PCDHGB3: variants seen among roughly 807,000 people sequenced by gnomAD.
PCDHGB3 encodes protocadherin gamma-B3.
Under a neutral mutation model 59.2 loss-of-function variants are expected in PCDHGB3, and 40 were observed. The observed-to-expected ratio is 0.68, with a 90% CI of 0.52 to 0.88. The LOEUF (loss-of-function observed/expected upper bound fraction) is 0.88. PCDHGB3 is among the 40% of genes least tolerant of loss of function. PCDHGB3 has a pLI of 0.00. For synonymous variants in PCDHGB3, 581 were observed against 503.6 expected, an observed-to-expected ratio of 1.15 and a Z score of -2.06; for missense variants, 1,309 against 1,187.9, an observed-to-expected ratio of 1.10 and a Z score of -1.50.
intron 1 of PCDHGB3, chr5:141,427,902 C>G: frequency 6.4e-7 from 1 of 1,573,742 alleles, no homozygotes; most frequent in South Asian, 1.1e-5. Flanking sequence ...CTCGCCCGCG[C>G]TCAGCGCCAA....
Position 141,491,094 on chromosome 5 carries a change from G to C in PCDHGB3, c.2416-3713G>C, listed in dbSNP as rs1240705650. The C allele has an allele frequency of 1.9e-6, 3 of 1,614,202 alleles. No homozygotes were observed. Among genetic ancestry groups the C allele is most frequent in the Non-Finnish European group, 2.5e-6 (3 of 1,180,030 alleles). On this transcript the variant is annotated intron_variant, in intron 1 of 3. Coordinates refer to ENST00000576222, the MANE Select transcript of PCDHGB3 (RefSeq NM_018924.5). The surrounding 1 kb of genome is among the most constrained non-coding windows in gnomAD (Gnocchi z 6.9). The stretch of plus-strand genomic sequence containing the variant: ...TGCCACAGTCCACAGCCCCAGGACT[G>C]TTCCTCGTGTCTACACACACTGGTG...
chr5:141,371,774 T>A lies in PCDHGB3; in HGVS notation c.1380T>A (p.His460Gln). ...PVFHQASYTV[H>Q]VAENNPPGAS... ...TCCACCAGGCCTCCTACACCGTGCA[T>A]GTAGCTGAGAACAATCCGCCTGGAG... The change falls in exon 1 of 4, where the codon CAT (histidine) becomes CAA (glutamine). Residue 460 changes from histidine (H) to glutamine (Q), a missense_variant. By Grantham distance (24) the His-to-Gln change is conservative. Transcript: ENST00000576222. The A allele has an allele frequency of 6.2e-7, 1 of 1,614,000 alleles. No individual in the cohort carries two copies. Among genetic ancestry groups the A allele is most frequent in the Non-Finnish European group, 8.5e-7 (1 of 1,179,892 alleles).
intron 1 of PCDHGB3, among the ~76,000 whole-genome samples, chr5:141,455,519 G>T (rs1439363688): frequency 1.3e-5 from 2 of 152,158 alleles, no homozygotes; most frequent in East Asian, 3.9e-4. Flanking sequence ...TCAGGGGATT[G>T]GTTTGACCAG....
At chr5:141,481,963 TA>T (rs1158466251) in intron 1 of PCDHGB3, among the ~76,000 whole-genome samples, 1 of 148,746 alleles carries the variant, frequency 6.7e-6, no homozygotes, top group Non-Finnish European at 1.5e-5. Context: ...CAGGTGCCTG[TA>T]GTCACAGCTA....
chr5:141,486,869 C>G lies in PCDHGB3; in HGVS notation c.2416-7938C>G. On this transcript the variant is annotated intron_variant, in intron 1 of 3. Transcript: ENST00000576222. This position sits in a 1 kb window ranked among gnomAD's most constrained non-coding sequence, Gnocchi z 5.0. ...CCTCAATGACAATGCTCCAGCTGTG[C>G]TCCGTCCTCGGGCCCGGCCTGGTTC... The G allele has an allele frequency of 6.2e-7, 1 of 1,614,246 alleles. No homozygotes were observed. The highest frequency in any genetic ancestry group is 8.5e-7 in the Non-Finnish European group (1 of 1,180,042).
chr5:141,448,464 T>C lies in PCDHGB3; in HGVS notation c.2416-46343T>C, dbSNP rs186054602. Among the ~76,000 whole-genome samples the C allele has an allele frequency of 2.6e-3, 402 of 152,296 alleles. 10 individuals are homozygous for C. The highest frequency in any genetic ancestry group is 0.023 in the Admixed American group (357 of 15,282). ...CTGACTTCCATCCCTATCCTACTCCTATTCCACCCTTGCTTCCTCCTGTCC... is the reference window on the plus strand; with the variant it reads ...CTGACTTCCATCCCTATCCTACTCCCATTCCACCCTTGCTTCCTCCTGTCC... On this transcript the variant is annotated intron_variant, in intron 1 of 3. Transcript: ENST00000576222.
At chr5:141,474,807 A>C (rs945920397) in intron 1 of PCDHGB3, among the ~76,000 whole-genome samples, 8 of 152,364 alleles carry the variant, frequency 5.3e-5, no homozygotes, top group Admixed American at 1.3e-4. Context: ...AGTGGTTTGC[A>C]TCATTAATTG....
At position 141,486,392 on chromosome 5, in the gene PCDHGB3, C is replaced by T; in HGVS notation, c.2416-8415C>T. ...GTCTGCCTTCAGGAACCAGTTCTCC[C>T]TGGTGACTGCTGGACCCTTGGATCG... On this transcript the variant is annotated intron_variant, in intron 1 of 3. Coordinates refer to ENST00000576222, the MANE Select transcript of PCDHGB3 (RefSeq NM_018924.5). The surrounding 1 kb of genome is among the most constrained non-coding windows in gnomAD (Gnocchi z 5.0). 1 of 1,614,170 alleles carries T rather than the reference C, an allele frequency of 6.2e-7. No individual in the cohort carries two copies. Among genetic ancestry groups the T allele is most frequent in the Non-Finnish European group, 8.5e-7 (1 of 1,180,014 alleles).
chr5:141,383,192 A>T, intron 1 of PCDHGB3: 1 of 1,614,092 alleles, frequency 6.2e-7, no homozygotes, highest in Non-Finnish European at 8.5e-7. Context: ...ATCTGCGCTC[A>T]GAGTGCGCGG....
chr5:141,510,633 TACCA>T (rs2099882032), intron 3 of PCDHGB3, among the ~76,000 whole-genome samples: 1 of 152,110 alleles, frequency 6.6e-6, no homozygotes, highest in Admixed American at 6.6e-5. Flanking sequence ...AAGAGGTGGT[TACCA>T]TTATCATCCC....
intron 1 of PCDHGB3, chr5:141,420,931 AATC>A: frequency 2.7e-6 from 1 of 369,128 alleles, no homozygotes; most frequent in African/African-American, 2.1e-5. Context: ...AGGTGAGCGT[AATC>A]ATTTCTTCTG....
At chr5:141,413,841 T>C (rs1481867404) in intron 1 of PCDHGB3, 1 of 1,613,060 alleles carries the variant, frequency 6.2e-7, no homozygotes, top group Admixed American at 1.7e-5. Context: ...CCGACGGGGG[T>C]GACCCTCTCC....
At chr5:141,427,954 T>G in intron 1 of PCDHGB3, 1 of 1,587,162 alleles carries the variant, frequency 6.3e-7, no homozygotes, top group Non-Finnish European at 8.6e-7. Context: ...AATGACAATG[T>G]GCCGCGGGTG....
intron 1 of PCDHGB3, chr5:141,405,537 A>G (rs2094682119): frequency 3.1e-6 from 2 of 643,630 alleles, no homozygotes; most frequent in Middle Eastern, 4.2e-4. Context: ...CTCCTGCCTC[A>G]GCCTCCCAAG....
intron 1 of PCDHGB3, chr5:141,417,887 C>A: frequency 6.4e-7 from 1 of 1,564,888 alleles, no homozygotes; most frequent in Non-Finnish European, 8.7e-7. Context: ...GCAGAGGCGC[C>A]GGGCCGGCCC....
chr5:141,476,697 C>T lies in PCDHGB3; in HGVS notation c.2416-18110C>T, dbSNP rs758302668. The T allele has an allele frequency of 2.5e-6, 4 of 1,614,110 alleles. No individual in the cohort carries two copies. The highest frequency in any genetic ancestry group is 2.2e-5 in the South Asian group (2 of 91,088). The stretch of plus-strand genomic sequence containing the variant: ...ACGCGGGAGGACAGCACCAAGTACG[C>T]GGAGCTGGTGTTGGAGCGCGCCCTG... On this transcript the variant is annotated intron_variant, in intron 1 of 3. Coordinates refer to ENST00000576222, the MANE Select transcript of PCDHGB3 (RefSeq NM_018924.5). The surrounding 1 kb of genome is among the most constrained non-coding windows in gnomAD (Gnocchi z 7.6).
rs1476740920 is a variant in PCDHGB3, at chr5:141,443,326, A to AC, written c.2416-51481_2416-51480insC. Among the ~76,000 whole-genome samples the AC allele has an allele frequency of 3.3e-5, 5 of 151,792 alleles. No homozygotes were observed. The South Asian group carries it at 8.3e-4, about 25-fold the overall frequency. ...CAAAAACCCATCTCTACAAAAAAAA[A>AC]AAACAAAAATTAACAAGGTTTAGTG... On this transcript the variant is annotated intron_variant, in intron 1 of 3. Transcript: ENST00000576222.
Position 141,511,319 on chromosome 5 carries a change from C to A in PCDHGB3, c.*146C>A. On this transcript the variant is annotated 3_prime_UTR_variant, in exon 4 of 4. Coordinates refer to ENST00000576222, the MANE Select transcript of PCDHGB3 (RefSeq NM_018924.5). ...CCATGCTCCCCTTGGGAAACAGAAA[C>A]AAGTGCCCAGTCAGCACCTACCCCT... is the stretch of plus-strand genomic sequence containing the variant. 6.8e-7 allele frequency: 1 copy of A among 1,477,420 alleles called. No homozygotes were observed. The highest frequency in any genetic ancestry group is 9.0e-7 in the Non-Finnish European group (1 of 1,108,340). 91.5% of individuals were successfully genotyped at this position (1,477,420 alleles called of 1,614,324 possible).
Position 141,511,252 on chromosome 5 carries a change from G to C in PCDHGB3, c.*79G>C. 6.4e-7 allele frequency: 1 copy of C among 1,568,260 alleles called. No homozygotes were observed. The highest frequency in any genetic ancestry group is 8.6e-7 in the Non-Finnish European group (1 of 1,157,002). On this transcript the variant is annotated 3_prime_UTR_variant, in exon 4 of 4. Coordinates refer to ENST00000576222, the MANE Select transcript of PCDHGB3 (RefSeq NM_018924.5). ...TCTCCTTACCTGCACCCAGGCCTCA[G>C]AGTTTCAGGGCTAACCCCCAGAATA... is the stretch of plus-strand genomic sequence containing the variant.
Sources: gnomAD v4.1 joint callset for allele counts (sites outside exome capture counted in the v4.1 genomes callset) on GRCh38, gnomAD v4.1.1 for gene constraint, Gnocchi (gnomAD v3.1) non-coding constraint, MANE v1.5 for transcripts, NCBI Gene and HGNC (gene_info 2026-07-23, HGNC 2026-07-21) for gene names.